HSD17B12: variants seen among roughly 807,000 people sequenced by gnomAD.
HSD17B12 encodes the protein hydroxysteroid 17-beta dehydrogenase 12, also known as very-long-chain 3-oxoacyl-CoA reductase.
Under a neutral mutation model 39.3 loss-of-function variants are expected in HSD17B12, and 32 were observed. That is an observed-to-expected ratio of 0.81 (90% CI 0.61 to 1.09). The LOEUF (loss-of-function observed/expected upper bound fraction) is 1.09. Among genes scored for constraint, HSD17B12 ranks in the 50% least tolerant of loss-of-function variants. The pLI is 0.00. For missense variants in HSD17B12, 342 were observed against 382.9 expected (o/e 0.89, Z 0.89); for synonymous variants, 150 against 146.7 (o/e 1.02, Z -0.16).
the HSD17B12 span, among the ~76,000 whole-genome samples, chr11:43,612,651 C>T: frequency 6.6e-6 from 1 of 152,168 alleles, no homozygotes; most frequent in Non-Finnish European, 1.5e-5. Context: ...GGCAATTCAC[C>T]CACCTCGGCC....
the HSD17B12 span, among the ~76,000 whole-genome samples, chr11:43,635,556 G>A: frequency 1.3e-5 from 2 of 152,132 alleles, no homozygotes; most frequent in Non-Finnish European, 2.9e-5. Context: ...AAATGTTTGG[G>A]GTTCTGAACC....
At chr11:43,770,429 G>A (rs1950638035) in intron 3 of HSD17B12, among the ~76,000 whole-genome samples, 1 of 152,150 alleles carries the variant, frequency 6.6e-6, no homozygotes, top group Non-Finnish European at 1.5e-5. Context: ...ACTTGGCACT[G>A]ATGACATTTA....
intron 1 of HSD17B12, among the ~76,000 whole-genome samples, chr11:43,713,220 G>T (rs1007430707): frequency 2.0e-5 from 3 of 152,206 alleles, no homozygotes; most frequent in Non-Finnish European, 2.9e-5. Flanking sequence ...ACGTTGGTGT[G>T]CTACACCCAT....
chr11:43,579,552 T>C, the HSD17B12 span: 1 of 151,990 alleles, frequency 6.6e-6, no homozygotes, highest in Non-Finnish European at 1.5e-5. Context: ...GGTCGGCTGG[T>C]GGTCGGTCGG....
In HSD17B12 at chr11:43,680,841, T is replaced by A; in HGVS notation, c.14T>A (p.Leu5His). The A allele has an allele frequency of 6.2e-7, 1 of 1,614,108 alleles. No individual in the cohort carries two copies. The change falls in exon 1 of 11, where the codon CTC (leucine) becomes CAC (histidine). Residue 5 changes from leucine (L) to histidine (H), a missense_variant. Transcript: ENST00000278353. Reference sequence around the variant, plus strand: ...TAGTGGAAAGCCATGGAGAGCGCTCTCCCCGCCGCCGGCTTCCTGTACTGG... The same window carrying A: ...TAGTGGAAAGCCATGGAGAGCGCTCACCCCGCCGCCGGCTTCCTGTACTGG... MESA[L>H]PAAGFLYWVG...
At chr11:43,830,792 T>A in intron 6 of HSD17B12, 184 bp from the exon 7 acceptor site, 1 of 421,132 alleles carries the variant, frequency 2.4e-6, no homozygotes, top group Non-Finnish European at 4.3e-6. Context: ...TAATTTCAGC[T>A]GGTTCCTTTT....
intron 3 of HSD17B12, among the ~76,000 whole-genome samples, chr11:43,764,488 G>A (rs1407189601): frequency 1.3e-5 from 2 of 152,088 alleles, no homozygotes; most frequent in Non-Finnish European, 2.9e-5. Context: ...TATTGTTCAC[G>A]TCTTCTGTAT....
At chr11:43,686,718 A>G (rs1329815268) in intron 1 of HSD17B12, among the ~76,000 whole-genome samples, 12 of 151,730 alleles carry the variant, frequency 7.9e-5, no homozygotes, top group Admixed American at 7.9e-4. Context: ...CAGATTTCAT[A>G]GGCTTATTGT....
intron 1 of HSD17B12, among the ~76,000 whole-genome samples, chr11:43,736,562 TGTG>T: frequency 6.6e-6 from 1 of 152,330 alleles, no homozygotes; most frequent in East Asian, 1.9e-4. Context: ...AAGAAAGATG[TGTG>T]CTTCCTCATA....
At chr11:43,574,461 G>C in the HSD17B12 span, among the ~76,000 whole-genome samples, 1 of 152,196 alleles carries the variant, frequency 6.6e-6, no homozygotes, top group Non-Finnish European at 1.5e-5. Flanking sequence ...AGTGGATCTA[G>C]GATATGTGTG....
At chr11:43,627,279 GA>G in the HSD17B12 span, among the ~76,000 whole-genome samples, 2 of 151,148 alleles carry the variant, frequency 1.3e-5, no homozygotes, top group African/African-American at 4.9e-5. Flanking sequence ...CTGCATTTAA[GA>G]AAAAAATACT....
intron 3 of HSD17B12, among the ~76,000 whole-genome samples, chr11:43,770,105 G>A (rs1950634597): frequency 6.6e-6 from 1 of 152,082 alleles, no homozygotes; most frequent in African/African-American, 2.4e-5. Context: ...TGTCTTCCTG[G>A]TTCCTTAGGA....
At chr11:43,663,579 AC>A in the HSD17B12 span, among the ~76,000 whole-genome samples, 1 of 152,200 alleles carries the variant, frequency 6.6e-6, no homozygotes, top group East Asian at 1.9e-4. Context: ...AGTAAGGCAG[AC>A]AAATTTTGTT....
chr11:43,853,472 G>A (rs142900916), intron 9 of HSD17B12: 1 of 151,874 alleles, frequency 6.6e-6, no homozygotes, highest in Non-Finnish European at 1.5e-5. Flanking sequence ...CCATGTGTTA[G>A]AACCATTCCT....
the HSD17B12 span, among the ~76,000 whole-genome samples, chr11:43,572,805 G>A: frequency 6.6e-6 from 1 of 152,124 alleles, no homozygotes; most frequent in East Asian, 1.9e-4. Flanking sequence ...CTTTTCCTTA[G>A]GCCAAAATAG....
the HSD17B12 span, among the ~76,000 whole-genome samples, chr11:43,616,796 C>CG: frequency 2.4e-5 from 1 of 41,874 alleles, no homozygotes; most frequent in Admixed American, 3.6e-4. Context: ...TGTGCCCAAA[C>CG]TAAAAAAAAA....
the HSD17B12 span, among the ~76,000 whole-genome samples, chr11:43,592,165 A>G: frequency 6.6e-6 from 1 of 152,090 alleles, no homozygotes; most frequent in African/African-American, 2.4e-5. Context: ...TATAAAATTT[A>G]TAGATCTTAA....
At position 43,757,661 on chromosome 11, in the gene HSD17B12, A is replaced by ACAAAACAAAAC. The variant is rs1476082738; in HGVS notation, c.283+3540_283+3541insCAAAACAAAAC. ...TCTCAAAAAAAAAAAAAAAAAAAAA[A>ACAAAACAAAAC]AAAAAACAAATAGGTAAAAAACAAA... On this transcript the variant is annotated intron_variant, in intron 3 of 10. Coordinates refer to ENST00000278353, the MANE Select transcript of HSD17B12 (RefSeq NM_016142.3). 1.7e-3 allele frequency among the ~76,000 whole-genome samples: 239 copies of ACAAAACAAAAC among 143,986 alleles called. 8 individuals carry two copies. The highest frequency in any genetic ancestry group is 1.9e-3 in the Non-Finnish European group (123 of 65,942). The allele number at this position is 143,986 out of a possible 152,430, so 94.5% of individuals were successfully genotyped here. A position where few individuals can be genotyped will look rare whatever the true frequency, so the allele number is the denominator to read the frequency against.
chr11:43,757,609 C>T (rs375351342), intron 3 of HSD17B12, among the ~76,000 whole-genome samples: 4,688 of 109,326 alleles, frequency 0.043, 127 homozygotes, highest in Non-Finnish European at 0.055. Context: ...GTCCGCAGTC[C>T]GGCCTGGGCG....
Sources: allele counts gnomAD v4.1 joint callset (sites outside exome capture counted in the v4.1 genomes callset), GRCh38; gene constraint gnomAD v4.1.1; transcripts MANE v1.5; gene names NCBI Gene and HGNC (gene_info 2026-07-23, HGNC 2026-07-21).